The following PIEZO2 variants were observed in gnomAD, a reference collection of about 807,000 sequenced individuals.
The protein encoded by PIEZO2 is piezo type mechanosensitive ion channel component 2, also known as piezo-type mechanosensitive ion channel component 2.
Under a neutral mutation model 337.3 loss-of-function variants are expected in PIEZO2, and 172 were observed. That is an observed-to-expected ratio of 0.51 (90% CI 0.45 to 0.58). The LOEUF (loss-of-function observed/expected upper bound fraction) is 0.58, where lower values mean the gene tolerates loss of function less well. Ranked by LOEUF, PIEZO2 falls within the 20% of genes least tolerant of loss-of-function variation. PIEZO2 has a pLI of 0.00. For missense variants in PIEZO2, 3,028 were observed against 3,391.3 expected (o/e 0.89, Z 2.66); for synonymous variants, 1,251 against 1,228.5 (o/e 1.02, Z -0.38).
chr18:10,689,555 C>T, intron 49 of PIEZO2, 100 bp downstream of exon 49: 1 of 1,517,182 alleles, frequency 6.6e-7, no homozygotes. Context: ...GTAGTTTTTG[C>T]CTCATGCCTT....
Position 11,126,791 on chromosome 18 carries a change from AT to A in PIEZO2, c.64+21733del, listed in dbSNP as rs10713073. ...TACACAGTACCTTAAGTACATTACTATTTTTTTTTTAAAGCCCCAGTGACCC... is the reference window on the plus strand; with the variant it reads ...TACACAGTACCTTAAGTACATTACTATTTTTTTTTAAAGCCCCAGTGACCC... On this transcript the variant is annotated intron_variant, in intron 1 of 55. Coordinates refer to ENST00000674853, the MANE Select transcript of PIEZO2 (RefSeq NM_001378183.1). This position sits in a 1 kb window ranked among gnomAD's most constrained non-coding sequence, Gnocchi z 4.6. Among the ~76,000 whole-genome samples the A allele has an allele frequency of 0.85, 128,710 of 151,556 alleles. 54,797 individuals are homozygous for A. The highest frequency in any genetic ancestry group is 0.91 in the East Asian group (4,665 of 5,142).
At chr18:10,909,344 C>T (rs997642775) in intron 4 of PIEZO2, among the ~76,000 whole-genome samples, 1 of 152,068 alleles carries the variant, frequency 6.6e-6, no homozygotes, top group African/African-American at 2.4e-5. Context: ...GCTGGAGGGG[C>T]TGGGGGGCAC....
chr18:11,042,288 G>A (rs1360298056), intron 2 of PIEZO2, among the ~76,000 whole-genome samples: 1 of 152,182 alleles, frequency 6.6e-6, no homozygotes, highest in East Asian at 1.9e-4. Context: ...GCTGCTATGA[G>A]GAGCCAGGAG....
intron 7 of PIEZO2, among the ~76,000 whole-genome samples, chr18:10,820,341 T>G (rs909444468): frequency 5.1e-5 from 7 of 138,538 alleles, no homozygotes; most frequent in Non-Finnish European, 1.1e-4. Flanking sequence ...GGTTCAGTGG[T>G]TTTTTTTTTT....
intron 2 of PIEZO2, among the ~76,000 whole-genome samples, chr18:11,054,057 C>T (rs537868561): frequency 6.6e-6 from 1 of 152,066 alleles, no homozygotes; most frequent in Non-Finnish European, 1.5e-5. Context: ...CGTAATACCT[C>T]ATTAGTTTGC....
At position 10,791,300 on chromosome 18, in the gene PIEZO2, G is replaced by A; in HGVS notation, c.1783C>T (p.Leu595=). The A allele has an allele frequency of 6.6e-7, 1 of 1,523,326 alleles. No individual in the cohort carries two copies. Among genetic ancestry groups the A allele is most frequent in the Non-Finnish European group, 8.8e-7 (1 of 1,141,140 alleles). The allele number at this position is 1,523,326 out of a possible 1,614,324, so 94.4% of individuals were successfully genotyped here. Residue 595 remains leucine (L), a synonymous_variant, in exon 14 of 56, where the codon CTA becomes TTA. Coordinates refer to ENST00000674853, the MANE Select transcript of PIEZO2 (RefSeq NM_001378183.1). ...SKILFTITFW[L]LLRQHLTEQK... is the part of the protein sequence containing the mutation. ...TCTGTGAGGTGCTGCCTCAGCAGTA[G>A]CCAAAAAGTAATGGTGAAAAGGATC...
chr18:11,019,795 C>CT (rs1334893038), intron 2 of PIEZO2, among the ~76,000 whole-genome samples: 1 of 152,178 alleles, frequency 6.6e-6, no homozygotes, highest in Non-Finnish European at 1.5e-5. Flanking sequence ...CTGATATACT[C>CT]TATCTCATCA....
intron 1 of PIEZO2, among the ~76,000 whole-genome samples, chr18:11,093,977 T>G (rs568798749): frequency 6.6e-6 from 1 of 151,472 alleles, no homozygotes; most frequent in East Asian, 2.0e-4. Flanking sequence ...TGTTGGGGTT[T>G]TTTTTTCTTT....
At chr18:10,693,320 C>G (rs1439590473) in intron 47 of PIEZO2, among the ~76,000 whole-genome samples, 3 of 150,804 alleles carry the variant, frequency 2.0e-5, no homozygotes, top group African/African-American at 7.3e-5. Context: ...GTCATATCTG[C>G]CGCATGGTTT....
At chr18:11,130,890 G>A (rs1599006482) in intron 1 of PIEZO2, among the ~76,000 whole-genome samples, 2 of 152,312 alleles carry the variant, frequency 1.3e-5, no homozygotes, top group South Asian at 4.1e-4. Flanking sequence ...TACAGAACAG[G>A]GGAAGGCTCT....
intron 43 of PIEZO2, among the ~76,000 whole-genome samples, chr18:10,700,229 C>T (rs2035275240): frequency 6.6e-6 from 1 of 152,012 alleles, no homozygotes; most frequent in African/African-American, 2.4e-5. Context: ...GCCAATTCTT[C>T]TAATTATTTA....
intron 16 of PIEZO2, among the ~76,000 whole-genome samples, chr18:10,786,640 G>A (rs536904232): frequency 2.6e-5 from 4 of 152,232 alleles, no homozygotes; most frequent in African/African-American, 7.2e-5. Flanking sequence ...TCTTTTTGGC[G>A]CTAAATACTC....
intron 2 of PIEZO2, among the ~76,000 whole-genome samples, chr18:11,060,208 A>G (rs1160135446): frequency 1.3e-5 from 2 of 152,212 alleles, no homozygotes; most frequent in Non-Finnish European, 2.9e-5. Context: ...TTTGAAACCA[A>G]CGAGAACAAA....
rs1387704536 is a variant in PIEZO2, at chr18:10,689,629, A to G, written c.7497+26T>C. ...CTGTATCTAAGAGAAGCAGACAGGA[A>G]TAAGGCACATCTCCTGGCTTCTTAC... is the stretch of plus-strand genomic sequence containing the variant. On this transcript the variant is annotated intron_variant, in intron 49 of 55. Transcript: ENST00000674853. The G allele has an allele frequency of 2.5e-6, 4 of 1,613,950 alleles. No individual in the cohort carries two copies. The Admixed American group carries it at 5.0e-5, about 20-fold the overall frequency.
At chr18:10,871,454 T>C (rs964709199) in intron 4 of PIEZO2, 39 bp from the exon 5 acceptor site, 1 of 1,506,274 alleles carries the variant, frequency 6.6e-7, no homozygotes, top group Non-Finnish European at 8.9e-7. Context: ...AAAAATTTAG[T>C]TCTTATATTT....
intron 3 of PIEZO2, among the ~76,000 whole-genome samples, chr18:10,978,249 TGG>T: frequency 6.6e-6 from 1 of 151,936 alleles, no homozygotes; most frequent in East Asian, 1.9e-4. Flanking sequence ...GGCAGGAGAA[TGG>T]TGTGAACCCG....
intron 2 of PIEZO2, among the ~76,000 whole-genome samples, chr18:10,983,328 A>G (rs1442852008): frequency 6.6e-6 from 1 of 152,150 alleles, no homozygotes; most frequent in Non-Finnish European, 1.5e-5. Context: ...CAAAAAACCC[A>G]AGAGTAAAAA....
At chr18:10,680,685 T>C (rs960505071) in intron 51 of PIEZO2, among the ~76,000 whole-genome samples, 5 of 152,160 alleles carry the variant, frequency 3.3e-5, no homozygotes, top group African/African-American at 1.2e-4. Flanking sequence ...AAAAAGGAAA[T>C]TTATCACCTA....
intron 27 of PIEZO2, among the ~76,000 whole-genome samples, chr18:10,753,610 C>T (rs574018303): frequency 1.1e-4 from 16 of 152,278 alleles, no homozygotes; most frequent in Middle Eastern, 3.4e-3. Context: ...GGGAGTTTTG[C>T]TTTGGTGGTT....
Sources: gnomAD v4.1 joint callset for allele counts (sites outside exome capture counted in the v4.1 genomes callset) on GRCh38, gnomAD v4.1.1 for gene constraint, Gnocchi (gnomAD v3.1) non-coding constraint, MANE v1.5 for transcripts, NCBI Gene and HGNC (gene_info 2026-07-23, HGNC 2026-07-21) for gene names.